Variants in ARHGAP23 observed in about 807,000 individuals in gnomAD.
ARHGAP23 encodes the protein rho GTPase-activating protein 23.
Under a neutral mutation model 136.3 loss-of-function variants are expected in ARHGAP23, and 34 were observed. The observed-to-expected ratio is 0.25, with a 90% confidence interval of 0.19 to 0.33. ARHGAP23 has a LOEUF of 0.33. Ranked by LOEUF, ARHGAP23 falls within the 10% of genes least tolerant of loss-of-function variation. ARHGAP23 has a pLI of 1.00. For synonymous variants in ARHGAP23, 832 were observed against 920.5 expected, an observed-to-expected ratio of 0.90 and a Z score of 1.74; for missense variants, 1,808 against 2,139.0, an observed-to-expected ratio of 0.85 and a Z score of 3.05.
chr17:38,502,631 C>A (rs1457123132), intron 23 of ARHGAP23, among the ~76,000 whole-genome samples: 2 of 152,104 alleles, frequency 1.3e-5, no homozygotes, highest in African/African-American at 2.4e-5. Context: ...ATGGAATGAG[C>A]TAATAAAGTG....
At position 38,479,820 on chromosome 17, in the gene ARHGAP23, G is replaced by C; in HGVS notation, c.2566G>C (p.Glu856Gln). ...GSRGLGGLKSEFLKQSAARGL... is the reference protein window; with the variant it reads ...GSRGLGGLKSQFLKQSAARGL... The stretch of plus-strand genomic sequence containing the variant: ...TCGCGGCCTGGGGGGCCTCAAGTCT[G>C]AGTTCCTCAAGCAGAGTGCGGCACG... The change falls in exon 14 of 24, where the codon GAG (glutamate) becomes CAG (glutamine). Residue 856 changes from glutamate (E) to glutamine (Q), a missense_variant. Transcript: ENST00000622683. The C allele has an allele frequency of 6.5e-7, 1 of 1,536,924 alleles. No homozygotes were observed. Among genetic ancestry groups the C allele is most frequent in the African/African-American group, 1.4e-5 (1 of 72,376 alleles).
chr17:38,454,686 G>A (rs916309884), intron 1 of ARHGAP23, among the ~76,000 whole-genome samples: 1 of 152,180 alleles, frequency 6.6e-6, no homozygotes, highest in Non-Finnish European at 1.5e-5. Flanking sequence ...CCGTGTTTCT[G>A]ATGTCCGGGA....
intron 6 of ARHGAP23, 147 bp from the exon 7 acceptor site, chr17:38,466,020 C>T: frequency 1.8e-6 from 1 of 547,976 alleles, no homozygotes; most frequent in Non-Finnish European, 3.0e-6. Context: ...TCCACCCCCA[C>T]CCACTTATGC....
At chr17:38,487,132 G>C (rs1262414808) in intron 17 of ARHGAP23, among the ~76,000 whole-genome samples, 1 of 152,234 alleles carries the variant, frequency 6.6e-6, no homozygotes, top group Non-Finnish European at 1.5e-5. Context: ...TCGCTCTCAG[G>C]AGCTGGTGTG....
rs1419439465 is a variant in ARHGAP23, at chr17:38,466,620, C to T, written c.937C>T (p.Arg313Cys). Residue 313 changes from arginine to cysteine, a missense_variant, in exon 7 of 24, where the codon CGC (arginine) becomes TGC (cysteine). Coordinates refer to ENST00000622683, the MANE Select transcript of ARHGAP23 (RefSeq NM_001199417.2). Reference protein sequence around the residue: ...RRCPAMAPRARSASQDRLEEV... With the variant: ...RRCPAMAPRACSASQDRLEEV... Reference sequence around the variant, plus strand: ...GTGCCCAGCCATGGCCCCCCGGGCCCGCAGCGCCTCCCAGGACCGGTTGGA... The same window carrying T: ...GTGCCCAGCCATGGCCCCCCGGGCCTGCAGCGCCTCCCAGGACCGGTTGGA... The T allele has an allele frequency of 1.1e-5, 17 of 1,516,222 alleles. 1 individual carries two copies. In the South Asian group the frequency reaches 1.1e-4, roughly 10 times the overall value. The allele number at this position is 1,516,222 out of a possible 1,614,324, so 93.9% of individuals were successfully genotyped here.
At chr17:38,491,818 G>A (rs1425952503) in intron 20 of ARHGAP23, 13 of 445,014 alleles carry the variant, frequency 2.9e-5, no homozygotes, top group Admixed American at 1.0e-4. Context: ...AGAAGAGGAG[G>A]AAGGGCAGGG....
At chr17:38,492,967 G>C (rs538753798) in intron 20 of ARHGAP23, among the ~76,000 whole-genome samples, 9 of 152,342 alleles carry the variant, frequency 5.9e-5, no homozygotes, top group Non-Finnish European at 1.0e-4. Flanking sequence ...TCTGAGGTCA[G>C]CTGAGGTGTC....
chr17:38,487,962 C>T (rs892851050), intron 17 of ARHGAP23, among the ~76,000 whole-genome samples: 3 of 152,112 alleles, frequency 2.0e-5, no homozygotes, highest in Admixed American at 2.0e-4. Context: ...AATGCAGTGG[C>T]GCAATCATGG....
intron 17 of ARHGAP23, among the ~76,000 whole-genome samples, chr17:38,487,581 T>C (rs974141647): frequency 2.0e-5 from 3 of 152,170 alleles, no homozygotes; most frequent in African/African-American, 7.2e-5. Flanking sequence ...TATTGTTACT[T>C]GAAGGCCAGG....
At chr17:38,432,810 C>T (rs1244139201) in intron 1 of ARHGAP23, among the ~76,000 whole-genome samples, 3 of 152,152 alleles carry the variant, frequency 2.0e-5, no homozygotes, top group African/African-American at 7.2e-5. Flanking sequence ...GCCTGGGCAA[C>T]ATAATGAGAC....
At chr17:38,478,509 G>C (rs1382759605) in intron 12 of ARHGAP23, among the ~76,000 whole-genome samples, 1 of 151,548 alleles carries the variant, frequency 6.6e-6, no homozygotes, top group Non-Finnish European at 1.5e-5. Context: ...CCGCCTCCCA[G>C]GTTCAAGTGA....
Position 38,469,624 on chromosome 17 carries a change from C to T in ARHGAP23, c.1905C>T (p.Gly635=). 6.5e-7 allele frequency: 1 copy of T among 1,548,730 alleles called. No homozygotes were observed. The highest frequency in any genetic ancestry group is 1.2e-5 in the South Asian group (1 of 83,958). ...DDGLNTFRDE[G]RVLRRLPNRI... ...GACTCAACACCTTCCGCGACGAGGG[C>T]CGGGTTCTGCGGTGAGGCCCTGTCC... The change falls in exon 9 of 24, where the codon GGC becomes GGT. Residue 635 remains glycine (G), a synonymous_variant. Transcript: ENST00000622683.
chr17:38,462,798 T>C, intron 3 of ARHGAP23, 48 bp from the exon 4 acceptor site: 1 of 1,330,132 alleles, frequency 7.5e-7, no homozygotes, highest in South Asian at 1.5e-5. Flanking sequence ...TGTGCATGGG[T>C]GTGACCTTCC....
chr17:38,466,221 C>T lies in ARHGAP23; in HGVS notation c.538C>T (p.Arg180Cys), dbSNP rs751834913. Residue 180 changes from arginine (R) to cysteine (C), a missense_variant, in exon 7 of 24, where the codon CGC becomes TGC. By Grantham distance (180) the Arg-to-Cys change is radical. Transcript: ENST00000622683. The part of the protein sequence containing the change: ...KGNEPYSGEA[R>C]SIPEPPPICY... ...GAACGAGCCGTATTCTGGAGAGGCC[C>T]GCAGCATCCCAGAGCCACCCCCGAT... The T allele has an allele frequency of 5.2e-6, 8 of 1,542,682 alleles. No individual in the cohort carries two copies. Among genetic ancestry groups the T allele is most frequent in the Admixed American group, 2.0e-5 (1 of 50,512 alleles).
At chr17:38,492,274 C>T (rs1241482563) in intron 20 of ARHGAP23, among the ~76,000 whole-genome samples, 1 of 152,192 alleles carries the variant, frequency 6.6e-6, no homozygotes, top group African/African-American at 2.4e-5. Flanking sequence ...CATTATGAAT[C>T]GTAGATTTTC....
chr17:38,481,730 G>A (rs2040047059), intron 14 of ARHGAP23, among the ~76,000 whole-genome samples: 1 of 152,168 alleles, frequency 6.6e-6, no homozygotes, highest in African/African-American at 2.4e-5. Flanking sequence ...CTGCACTACA[G>A]CCTGAGCGAC....
chr17:38,452,808 C>G (rs1483994276), intron 1 of ARHGAP23, among the ~76,000 whole-genome samples: 1 of 152,146 alleles, frequency 6.6e-6, no homozygotes, highest in Non-Finnish European at 1.5e-5. Context: ...AGGGCAGGGG[C>G]TAGCACAACA....
At chr17:38,426,570 A>AAAAAAAAAAAAAAAAAAAAAAAAAACAC (rs2038573783), upstream of ARHGAP23, among the ~76,000 whole-genome samples, 1 of 150,912 alleles carries the variant, frequency 6.6e-6, no homozygotes, top group Non-Finnish European at 1.5e-5. Flanking sequence ...AAAAAAAAAA[A>AAAAAAAAAAAAAAAAAAAAAAAAAACAC]AATCCAGGCA....
intron 20 of ARHGAP23, 95 bp from the exon 21 acceptor site, chr17:38,497,690 C>T: frequency 1.5e-6 from 2 of 1,330,510 alleles, no homozygotes; most frequent in Non-Finnish European, 2.1e-6. Flanking sequence ...AGAGAGGCGC[C>T]CCTTGCCGCC....
Sources: allele counts gnomAD v4.1 joint callset (sites outside exome capture counted in the v4.1 genomes callset), GRCh38; gene constraint gnomAD v4.1.1; transcripts MANE v1.5; gene names NCBI Gene and HGNC (gene_info 2026-07-23, HGNC 2026-07-21).